The following DACH2 variants were observed in gnomAD, a reference collection of about 807,000 sequenced individuals.
DACH2 encodes dachshund homolog 2.
A neutral mutation model predicts 35.8 loss-of-function variants in DACH2; 17 were observed. The observed-to-expected ratio is 0.48, with a 90% CI of 0.33 to 0.71. DACH2 has a LOEUF of 0.71. DACH2 is among the 30% of genes least tolerant of loss of function. The pLI is 0.02. For synonymous variants in DACH2, 195 were observed against 177.3 expected, an observed-to-expected ratio of 1.10 and a Z score of -0.79; for missense variants, 469 against 472.7, an observed-to-expected ratio of 0.99 and a Z score of 0.07.
At chrX:86,336,517 G>A (rs1369701657) in intron 1 of DACH2, among the ~76,000 whole-genome samples, 1 of 111,541 alleles carries the variant, frequency 9.0e-6, no homozygotes, top group Non-Finnish European at 1.9e-5. Flanking sequence ...CTGTTAGAGG[G>A]AAAACTAACA....
chrX:86,373,829 C>T (rs2035925444), intron 1 of DACH2, among the ~76,000 whole-genome samples: 1 of 111,481 alleles, frequency 9.0e-6, no homozygotes, highest in African/African-American at 3.2e-5. Context: ...AGTTTGAAAT[C>T]CATTGCAGTA....
At chrX:86,296,082 A>T (rs926445347) in intron 1 of DACH2, among the ~76,000 whole-genome samples, 1 of 111,173 alleles carries the variant, frequency 9.0e-6, no homozygotes, top group African/African-American at 3.3e-5. Context: ...TGTGAAAATT[A>T]TATATGAAAT....
At chrX:86,815,564 A>AGTT (rs2042439697) in intron 10 of DACH2, among the ~76,000 whole-genome samples, 1 of 107,900 alleles carries the variant, frequency 9.3e-6, no homozygotes, top group Non-Finnish European at 1.9e-5. Context: ...TTTGGTATTC[A>AGTT]GTTGCACTTA....
chrX:86,416,199 C>G (rs752999980), intron 2 of DACH2, among the ~76,000 whole-genome samples: 105 of 112,122 alleles, frequency 9.4e-4, no homozygotes, highest in African/African-American at 3.2e-3. Flanking sequence ...GAGTGATGAA[C>G]AGAAATGTGA....
chrX:86,177,329 T>G lies in DACH2; in HGVS notation c.488+28221T>G, dbSNP rs374750203. Among the ~76,000 whole-genome samples, 6 of 111,867 alleles carry G rather than the reference T, an allele frequency of 5.4e-5. No homozygotes were observed. The South Asian group carries it at 2.2e-3, about 42-fold the overall frequency. On this transcript the variant is annotated intron_variant, in intron 1 of 11. Transcript: ENST00000373125. Reference sequence around the variant, plus strand: ...GTGGCAGAAACCAAATCAGTATATATTTTTGACACCTGCTGTTTTCTGAGT... The same window carrying G: ...GTGGCAGAAACCAAATCAGTATATAGTTTTGACACCTGCTGTTTTCTGAGT...
intron 1 of DACH2, among the ~76,000 whole-genome samples, chrX:86,323,324 C>A (rs997743060): frequency 1.8e-5 from 2 of 112,071 alleles, no homozygotes; most frequent in African/African-American, 6.5e-5. Flanking sequence ...CGGACATTCA[C>A]TGGGGTAGGG....
chrX:86,232,854 G>C (rs1265444106), intron 1 of DACH2, among the ~76,000 whole-genome samples: 2 of 111,625 alleles, frequency 1.8e-5, no homozygotes, highest in Admixed American at 1.9e-4. Context: ...TATGCCCAAA[G>C]GAATATAAAT....
chrX:86,367,839 C>G (rs919336896), intron 1 of DACH2, among the ~76,000 whole-genome samples: 2 of 111,726 alleles, frequency 1.8e-5, no homozygotes, highest in African/African-American at 6.5e-5. Context: ...TTGTTCCATT[C>G]TGTACTTAGT....
At chrX:86,514,458 A>G (rs2148270843) in intron 3 of DACH2, 67 bp downstream of exon 3, 2 of 963,776 alleles carry the variant, frequency 2.1e-6, no homozygotes, top group East Asian at 3.2e-5. Flanking sequence ...ATAAACCAAT[A>G]TTGATCTAAC....
intron 4 of DACH2, among the ~76,000 whole-genome samples, chrX:86,675,745 GA>G (rs1430520427): frequency 9.8e-6 from 1 of 102,135 alleles, no homozygotes; most frequent in East Asian, 4.2e-4. Flanking sequence ...CTGAAATTAA[GA>G]GTTTTTTTTT....
At chrX:86,471,821 T>C (rs1253909625) in intron 2 of DACH2, among the ~76,000 whole-genome samples, 1 of 111,558 alleles carries the variant, frequency 9.0e-6, no homozygotes, top group Non-Finnish European at 1.9e-5. Flanking sequence ...TACAACATGG[T>C]GACTGTACTT....
At chrX:86,239,252 G>A (rs1372940040) in intron 1 of DACH2, among the ~76,000 whole-genome samples, 1 of 111,567 alleles carries the variant, frequency 9.0e-6, no homozygotes, top group East Asian at 2.8e-4. Flanking sequence ...GAAATTATAA[G>A]TATACAACTT....
At position 86,677,047 on chromosome X, in the gene DACH2, T is replaced by TA. The variant is rs1226081696; in HGVS notation, c.773-17973dup. Among the ~76,000 whole-genome samples, 22 of 111,893 alleles carry TA rather than the reference T, an allele frequency of 2.0e-4. No individual in the cohort carries two copies. In the Admixed American group the frequency reaches 2.1e-3, roughly 11 times the overall value. On this transcript the variant is annotated intron_variant, in intron 4 of 11. Transcript: ENST00000373125. ...AATAGAGAAAAAATATCAACGGAGA[T>TA]ACTGCACCTCAAAATATTTAATTTC...
chrX:86,287,982 G>A (rs192625411), intron 1 of DACH2, among the ~76,000 whole-genome samples: 2 of 111,440 alleles, frequency 1.8e-5, no homozygotes, highest in East Asian at 5.7e-4. Flanking sequence ...GAAGTGTTAG[G>A]TATTTTTTGT....
intron 1 of DACH2, among the ~76,000 whole-genome samples, chrX:86,237,224 A>G: frequency 8.9e-6 from 1 of 111,808 alleles, no homozygotes; most frequent in Non-Finnish European, 1.9e-5. Context: ...CTTCTTCTGT[A>G]ATACTTCTTG....
chrX:86,456,873 T>A (rs923841808), intron 2 of DACH2, among the ~76,000 whole-genome samples: 1 of 111,215 alleles, frequency 9.0e-6, no homozygotes, highest in African/African-American at 3.3e-5. Flanking sequence ...TATGTTGGTG[T>A]TTTTGTTTTT....
intron 2 of DACH2, among the ~76,000 whole-genome samples, chrX:86,404,847 G>A (rs1254585649): frequency 1.8e-5 from 2 of 112,230 alleles, no homozygotes; most frequent in East Asian, 5.7e-4. Flanking sequence ...GGATATCCAG[G>A]CATTTCCTTA....
At chrX:86,510,471 T>C in intron 2 of DACH2, among the ~76,000 whole-genome samples, 1 of 111,832 alleles carries the variant, frequency 8.9e-6, no homozygotes, top group African/African-American at 3.2e-5. Flanking sequence ...GTACTGTTAA[T>C]ATATATTTTA....
intron 3 of DACH2, among the ~76,000 whole-genome samples, chrX:86,550,051 G>T (rs2039027904): frequency 9.0e-6 from 1 of 111,315 alleles, no homozygotes; most frequent in East Asian, 2.8e-4. Context: ...AGTAATCTCT[G>T]TATTGATAAT....
Sources: allele counts gnomAD v4.1 joint callset (sites outside exome capture counted in the v4.1 genomes callset), GRCh38; gene constraint gnomAD v4.1.1; transcripts MANE v1.5; gene names NCBI Gene and HGNC (gene_info 2026-07-23, HGNC 2026-07-21).